OPALIN: variants seen among roughly 807,000 people sequenced by gnomAD.
OPALIN encodes the protein oligodendrocytic myelin paranodal and inner loop protein, also known as transmembrane protein 10.
OPALIN carries 15 observed loss-of-function variants against 17.8 expected under a neutral mutation model. The ratio of observed to expected loss-of-function variants is 0.84; its 90% CI spans 0.56 to 1.29. The LOEUF is 1.29. Among genes scored for constraint, OPALIN ranks in the 50% most tolerant of loss-of-function variants. The pLI, the probability that OPALIN is intolerant of heterozygous loss-of-function variation, is 0.00. For missense variants in OPALIN, 170 were observed against 176.0 expected (o/e 0.97, Z 0.19); for synonymous variants, 62 against 63.8 (o/e 0.97, Z 0.14).
intron 1 of OPALIN, chr10:96,356,951 G>T: frequency 6.1e-6 from 6 of 985,366 alleles, no homozygotes; most frequent in Non-Finnish European, 6.0e-6. Context: ...ACTCTGCAAG[G>T]CTTCCAAGCA....
At chr10:96,351,862 G>C (rs969570197) in intron 2 of OPALIN, among the ~76,000 whole-genome samples, 3 of 152,108 alleles carry the variant, frequency 2.0e-5, no homozygotes, top group Non-Finnish European at 2.9e-5. Flanking sequence ...CATGCTCCTG[G>C]GGATAATTCT....
rs781590115 is a variant in OPALIN, at chr10:96,345,943, A to C, written c.424T>G (p.Ter142GlyextTer47). The change falls in exon 6 of 6, where the codon TGA (stop) becomes GGA (glycine). Residue 142 changes from the stop codon to glycine (G), a stop_lost. Transcript: ENST00000371172. Reference sequence around the variant, plus strand: ...TGCTGCTCCTTGACTGAGCTGCATCATTCCAGGCTCAGTCTGGGCACAAGC... The same window carrying C: ...TGCTGCTCCTTGACTGAGCTGCATCCTTCCAGGCTCAGTCTGGGCACAAGC... ...WWLVPRLSLE* is the reference protein window; with the variant it reads ...WWLVPRLSLEG 1.2e-6 allele frequency: 2 copies of C among 1,613,990 alleles called. No homozygotes were observed. The highest frequency in any genetic ancestry group is 1.7e-6 in the Non-Finnish European group (2 of 1,179,894).
In OPALIN at chr10:96,345,469, T is replaced by G. The variant is rs1288387186; in HGVS notation, c.*472A>C. ...GTGTGGCTCCACATGGTTCCTACCC[T>G]GAGATATTCAGAAACAATTAACTGC... On this transcript the variant is annotated 3_prime_UTR_variant, in exon 6 of 6. Coordinates refer to ENST00000371172, the MANE Select transcript of OPALIN (RefSeq NM_033207.5). 2 of 155,346 alleles carry G rather than the reference T, an allele frequency of 1.3e-5. No homozygotes were observed. Among genetic ancestry groups the G allele is most frequent in the African/African-American group, 4.8e-5 (2 of 41,460 alleles). 9.6% of individuals were successfully genotyped at this position (155,346 alleles called of 1,614,324 possible).
At chr10:96,352,956 C>T (rs1845648913) in intron 2 of OPALIN, among the ~76,000 whole-genome samples, 1 of 152,190 alleles carries the variant, frequency 6.6e-6, no homozygotes, top group Non-Finnish European at 1.5e-5. Flanking sequence ...CCATGGAGCA[C>T]TTAGGATGTG....
intron 2 of OPALIN, among the ~76,000 whole-genome samples, chr10:96,352,341 CA>C (rs75819216): frequency 1.6e-3 from 241 of 148,516 alleles, no homozygotes; most frequent in African/African-American, 5.5e-3. Flanking sequence ...CTCCATTTTA[CA>C]AAAAAAAAAT....
In OPALIN at chr10:96,351,885, T is replaced by C. The variant is rs149960854; in HGVS notation, c.40-475A>G. Among the ~76,000 whole-genome samples, 1,094 of 152,344 alleles carry C rather than the reference T, an allele frequency of 7.2e-3. 61 individuals carry two copies. The highest frequency in any genetic ancestry group is 0.053 in the Admixed American group (804 of 15,306). ...TGGGGATAATTCTACATGAAATGAA[T>C]GCATTACATGTTTCTGGTCCACTGA... On this transcript the variant is annotated intron_variant, in intron 2 of 5. Coordinates refer to ENST00000371172, the MANE Select transcript of OPALIN (RefSeq NM_033207.5).
intron 1 of OPALIN, among the ~76,000 whole-genome samples, chr10:96,356,155 G>GC (rs1564887054): frequency 2.0e-5 from 3 of 152,106 alleles, no homozygotes; most frequent in South Asian, 4.1e-4. Flanking sequence ...TGGACTCTCA[G>GC]CCCCTTGGGT....
rs866580433 is a variant in OPALIN, at chr10:96,356,039, T to G, written c.4-749A>C. ...CCTTTCCAGGCTGCTCCTTACCAAG[T>G]CCTTTCCCTACCTAGATTGGAATGA... is the stretch of plus-strand genomic sequence containing the variant. On this transcript the variant is annotated intron_variant, in intron 1 of 5. Coordinates refer to ENST00000371172, the MANE Select transcript of OPALIN (RefSeq NM_033207.5). 2.0e-5 allele frequency among the ~76,000 whole-genome samples: 3 copies of G among 152,214 alleles called. No homozygotes were observed. In the Middle Eastern group the frequency reaches 0.01, roughly 518 times the overall value.
chr10:96,356,798 C>T (rs1481131578), intron 1 of OPALIN: 5 of 770,430 alleles, frequency 6.5e-6, no homozygotes, highest in African/African-American at 1.9e-5. Flanking sequence ...TGCCTCTGCT[C>T]ACTTCTCCCC....
intron 2 of OPALIN, 87 bp from the exon 3 acceptor site, chr10:96,351,497 A>T: frequency 1.3e-6 from 1 of 748,584 alleles, no homozygotes; most frequent in Non-Finnish European, 2.1e-6. Flanking sequence ...AGTTTAGGCT[A>T]TAAAGCCTAA....
In OPALIN at chr10:96,358,815, G is replaced by T. The variant is rs147195280; in HGVS notation, c.3+79C>A. 37 of 1,419,848 alleles carry T rather than the reference G, an allele frequency of 2.6e-5. No individual in the cohort carries two copies. In the African/African-American group the frequency reaches 4.6e-4, roughly 18 times the overall value. 88.0% of individuals were successfully genotyped at this position (1,419,848 alleles called of 1,614,324 possible). A position where few individuals can be genotyped will look rare whatever the true frequency, so the allele number is the denominator to read the frequency against. ...TAAAATAAAGTCCCTTTACTTCATTGTACATTTAATTGAATTTGGAGGTTT... is the reference window on the plus strand; with the variant it reads ...TAAAATAAAGTCCCTTTACTTCATTTTACATTTAATTGAATTTGGAGGTTT... On this transcript the variant is annotated intron_variant, in intron 1 of 5. Transcript: ENST00000371172.
At chr10:96,348,663 A>G (rs1445671562) in intron 4 of OPALIN, among the ~76,000 whole-genome samples, 1 of 152,228 alleles carries the variant, frequency 6.6e-6, no homozygotes, top group African/African-American at 2.4e-5. Flanking sequence ...AATTATAATT[A>G]AAAAATTGTT....
intron 2 of OPALIN, among the ~76,000 whole-genome samples, chr10:96,351,729 C>T (rs570908359): frequency 6.6e-6 from 1 of 152,316 alleles, no homozygotes; most frequent in East Asian, 1.9e-4. Flanking sequence ...ACACTTTGGG[C>T]CTACTTGTCC....
rs140100304 is a variant in OPALIN, at chr10:96,351,462, T to C, written c.40-52A>G. 2.2e-4 allele frequency: 261 copies of C among 1,167,062 alleles called. 2 individuals carry two copies. In the East Asian group the frequency reaches 6.7e-3, roughly 30 times the overall value. The allele number at this position is 1,167,062 out of a possible 1,614,324, so 72.3% of individuals were successfully genotyped here. On this transcript the variant is annotated intron_variant, in intron 2 of 5. Transcript: ENST00000371172. ...AAAAGAACAAAAAGTCTATAGAATATACATTATACAAGACAATCTGCCAAA... is the reference window on the plus strand; with the variant it reads ...AAAAGAACAAAAAGTCTATAGAATACACATTATACAAGACAATCTGCCAAA...
In OPALIN at chr10:96,358,956, T is replaced by A; in HGVS notation, c.-60A>T. 2.6e-6 allele frequency: 4 copies of A among 1,563,608 alleles called. No homozygotes were observed. The highest frequency in any genetic ancestry group is 3.5e-6 in the Non-Finnish European group (4 of 1,134,096). On this transcript the variant is annotated 5_prime_UTR_variant, in exon 1 of 6. Transcript: ENST00000371172. ...TGCCTTTGGTAAGCTCCTTTCTCAC[T>A]GGCTTTATTGGCTTGTGTCTTTCAT...
At chr10:96,346,408 T>C (rs542996612) in intron 5 of OPALIN, among the ~76,000 whole-genome samples, 1 of 152,370 alleles carries the variant, frequency 6.6e-6, no homozygotes, top group South Asian at 2.1e-4. Context: ...TCATTTTTTG[T>C]CTTTTAACTG....
At chr10:96,351,345 TC>T in intron 3 of OPALIN, 32 bp downstream of exon 3, 1 of 1,277,428 alleles carries the variant, frequency 7.8e-7, no homozygotes, top group African/African-American at 1.5e-5. Flanking sequence ...ATTATTATTA[TC>T]CCCATTTTAT....
At chr10:96,353,512 C>A in intron 2 of OPALIN, 2 of 1,279,408 alleles carry the variant, frequency 1.6e-6, no homozygotes, top group East Asian at 2.3e-5. Context: ...CCAGGCAAAG[C>A]AAAATGGTTG....
At position 96,355,603 on chromosome 10, in the gene OPALIN, G is replaced by T. The variant is rs141750356; in HGVS notation, c.4-313C>A. On this transcript the variant is annotated intron_variant, in intron 1 of 5. Transcript: ENST00000371172. ...CCATTCACAAGGGCAGCAAACACATGACTAGAAATTCAGCAAAAGGCTAAA... is the reference window on the plus strand; with the variant it reads ...CCATTCACAAGGGCAGCAAACACATTACTAGAAATTCAGCAAAAGGCTAAA... 1.0e-3 allele frequency among the ~76,000 whole-genome samples: 159 copies of T among 152,312 alleles called. 1 individual carries two copies. Among genetic ancestry groups the T allele is most frequent in the Non-Finnish European group, 2.1e-3 (140 of 68,026 alleles).
Sources: gnomAD v4.1 joint callset for allele counts (sites outside exome capture counted in the v4.1 genomes callset) on GRCh38, gnomAD v4.1.1 for gene constraint, MANE v1.5 for transcripts, NCBI Gene and HGNC (gene_info 2026-07-23, HGNC 2026-07-21) for gene names.